Variants in GIT2 observed in about 807,000 individuals in gnomAD.
GIT2 encodes GIT ArfGAP 2.
GIT2 carries 32 observed loss-of-function variants against 100.3 expected under a neutral mutation model. The ratio of observed to expected loss-of-function variants is 0.32; its 90% CI spans 0.24 to 0.43. The LOEUF (loss-of-function observed/expected upper bound fraction) is 0.43. Among genes scored for constraint, GIT2 ranks in the 20% least tolerant of loss-of-function variants. The probability of loss-of-function intolerance (pLI) is 1.00; values close to 1 mark genes in which losing one functional copy is unlikely to be tolerated. For missense variants in GIT2, 737 were observed against 975.1 expected (o/e 0.76, Z 3.25); for synonymous variants, 353 against 364.1 (o/e 0.97, Z 0.35).
intron 12 of GIT2, among the ~76,000 whole-genome samples, chr12:109,955,261 C>T (rs1266485149): frequency 6.6e-6 from 1 of 152,054 alleles, no homozygotes; most frequent in African/African-American, 2.4e-5. Flanking sequence ...GTAGCTAAGA[C>T]TACAAGCGCC....
chr12:109,994,979 T>C (rs879662114), intron 1 of GIT2, among the ~76,000 whole-genome samples: 15 of 152,176 alleles, frequency 9.9e-5, no homozygotes, highest in Admixed American at 2.0e-4. Flanking sequence ...AACAACCACA[T>C]GAGGTTTGAG....
At chr12:109,987,458 T>C (rs932312683) in intron 4 of GIT2, among the ~76,000 whole-genome samples, 4 of 151,988 alleles carry the variant, frequency 2.6e-5, no homozygotes, top group Non-Finnish European at 4.4e-5. Flanking sequence ...ATCATCTCAA[T>C]AGATGCAGAA....
At chr12:109,961,451 A>G (rs548029817) in intron 10 of GIT2, 76 bp from the exon 11 acceptor site, 2 of 1,010,820 alleles carry the variant, frequency 2.0e-6, no homozygotes, top group South Asian at 1.3e-5. Context: ...CAGCTCACGC[A>G]CTACGAGGGG....
intron 7 of GIT2, among the ~76,000 whole-genome samples, chr12:109,970,504 AAAC>A (rs909782740): frequency 3.9e-4 from 60 of 152,246 alleles, no homozygotes; most frequent in African/African-American, 5.5e-4. Flanking sequence ...AAAAAACAGA[AAAC>A]AACAACAACA....
rs1185489003 is a variant in GIT2 at position 109,931,980 on chromosome 12, G to A, written c.*998C>T. The A allele has an allele frequency of 6.6e-6, 1 of 152,242 alleles. No homozygotes were observed. Among genetic ancestry groups the A allele is most frequent in the Non-Finnish European group, 1.5e-5 (1 of 68,048 alleles). The allele number at this position is 152,242 out of a possible 1,614,324, so 9.4% of individuals were successfully genotyped here. Reference sequence around the variant, plus strand: ...TCTTTCCTTATAAGAAGTCCTTAAAGATGATGAAAAATGTGAAGCAACTCA... The same window carrying A: ...TCTTTCCTTATAAGAAGTCCTTAAAAATGATGAAAAATGTGAAGCAACTCA... On this transcript the variant is annotated 3_prime_UTR_variant, in exon 20 of 20. Transcript: ENST00000355312.
chr12:109,942,520 G>C (rs1055940760), intron 16 of GIT2, among the ~76,000 whole-genome samples: 6 of 152,128 alleles, frequency 3.9e-5, no homozygotes, highest in Non-Finnish European at 7.4e-5. Flanking sequence ...TTTTAATAGA[G>C]ACAGGGTTTC....
At chr12:109,950,018 G>A (rs752246335) in intron 14 of GIT2, among the ~76,000 whole-genome samples, 2 of 152,216 alleles carry the variant, frequency 1.3e-5, no homozygotes, top group Non-Finnish European at 2.9e-5. Flanking sequence ...GTGTCTGTTC[G>A]TTTAAGGCTA....
At chr12:109,981,854 T>C (rs905194261) in intron 6 of GIT2, 4 of 152,232 alleles carry the variant, frequency 2.6e-5, no homozygotes, top group African/African-American at 7.2e-5. Context: ...TTAAAAGTAA[T>C]GGCAAAAACT....
At chr12:109,941,873 T>C (rs1874838746) in intron 16 of GIT2, among the ~76,000 whole-genome samples, 1 of 151,346 alleles carries the variant, frequency 6.6e-6, no homozygotes, top group Admixed American at 6.6e-5. Context: ...TCGCCTAGGC[T>C]AAGTGCAGTG....
intron 14 of GIT2, among the ~76,000 whole-genome samples, chr12:109,949,404 A>G (rs1339661642): frequency 6.6e-6 from 1 of 152,196 alleles, no homozygotes; most frequent in Admixed American, 6.5e-5. Context: ...TTATCCTAAC[A>G]CTTTTCATGC....
At chr12:109,958,061 C>A (rs1301547076) in intron 12 of GIT2, among the ~76,000 whole-genome samples, 2 of 151,982 alleles carry the variant, frequency 1.3e-5, no homozygotes, top group African/African-American at 4.8e-5. Context: ...TCTCCTGCCT[C>A]AGCCTCCTGA....
chr12:109,960,340 T>C (rs4766646), intron 11 of GIT2, among the ~76,000 whole-genome samples: 1 of 152,132 alleles, frequency 6.6e-6, no homozygotes, highest in Non-Finnish European at 1.5e-5. Context: ...ATTTTAAGTT[T>C]AGGCCGGGTG....
intron 12 of GIT2, chr12:109,953,579 A>T (rs1736732680): frequency 5.0e-6 from 1 of 200,806 alleles, no homozygotes; most frequent in Non-Finnish European, 1.0e-5. Flanking sequence ...GTGAACCATG[A>T]CTGCACCACT....
chr12:109,989,075 CAAAAACA>C lies in GIT2; in HGVS notation c.300-14_300-8del. ...GAATTCCGCTTTATTGGGACTGGTT[CAAAAACA>C]AAAAAGAAAACAGTTCACTCGTTCA... On this transcript the variant is annotated splice_polypyrimidine_tract_variant and splice_region_variant and intron_variant, in intron 3 of 19. Coordinates refer to ENST00000355312, the MANE Select transcript of GIT2 (RefSeq NM_057169.5). 1 of 1,543,428 alleles carries C rather than the reference CAAAAACA, an allele frequency of 6.5e-7. No individual in the cohort carries two copies. Among genetic ancestry groups the C allele is most frequent in the Non-Finnish European group, 8.9e-7 (1 of 1,117,488 alleles).
At chr12:109,938,133 A>G (rs1447851008) in intron 18 of GIT2, among the ~76,000 whole-genome samples, 4 of 152,150 alleles carry the variant, frequency 2.6e-5, no homozygotes, top group African/African-American at 9.7e-5. Flanking sequence ...CTATGCCGCA[A>G]TCCTGTTTCT....
rs1171506472 is a variant in GIT2, at chr12:109,945,305, G to T, written c.1686C>A (p.Ser562=). The change falls in exon 16 of 20, where the codon TCC becomes TCA. Residue 562 remains serine, a synonymous_variant. Transcript: ENST00000355312. ...ALVTSSSSLP[S]FPSTLSWSRD... ...TCGACCAGGAAAGTGTGGAGGGGAA[G>T]GAAGGCAGAGATGAAGAGGAGGTCA... The T allele has an allele frequency of 6.3e-7, 1 of 1,588,984 alleles. No individual in the cohort carries two copies.
At chr12:109,996,953 T>G (rs557427415), upstream of GIT2, among the ~76,000 whole-genome samples, 23 of 152,014 alleles carry the variant, frequency 1.5e-4, no homozygotes, top group Non-Finnish European at 2.6e-4. Context: ...GGCTCACGCC[T>G]GTAATCCCAG....
intron 15 of GIT2, among the ~76,000 whole-genome samples, chr12:109,946,608 G>A (rs924341463): frequency 2.0e-5 from 3 of 152,160 alleles, no homozygotes; most frequent in Non-Finnish European, 4.4e-5. Context: ...GGAATTCAGC[G>A]CTTCTAAGAC....
intron 7 of GIT2, among the ~76,000 whole-genome samples, chr12:109,977,736 C>T (rs1885400045): frequency 1.3e-5 from 2 of 151,888 alleles, no homozygotes; most frequent in East Asian, 1.9e-4. Flanking sequence ...GCAAGAGAAT[C>T]GCTTGAACCT....
Sources: gnomAD v4.1 joint callset for allele counts (sites outside exome capture counted in the v4.1 genomes callset) on GRCh38, gnomAD v4.1.1 for gene constraint, MANE v1.5 for transcripts, NCBI Gene and HGNC (gene_info 2026-07-23, HGNC 2026-07-21) for gene names.